The following CEP295 variants were observed in gnomAD, a reference collection of about 807,000 sequenced individuals.
CEP295 encodes the protein centrosomal protein 295, also known as centrosomal protein of 295 kDa.
Under a neutral mutation model 291.6 loss-of-function variants are expected in CEP295, and 190 were observed. The observed-to-expected ratio is 0.65, with a 90% CI of 0.58 to 0.73. The LOEUF (loss-of-function observed/expected upper bound fraction) is 0.73. CEP295 is among the 30% of genes least tolerant of loss of function. The pLI is 0.00. For missense variants in CEP295, 2,863 were observed against 2,949.4 expected (o/e 0.97, Z 0.68); for synonymous variants, 993 against 1,038.8 (o/e 0.96, Z 0.85).
In CEP295 at chr11:93,684,086, C is replaced by A. The variant is rs116695220; in HGVS notation, c.1072C>A (p.Leu358Ile). 1,313 of 1,551,482 alleles carry A rather than the reference C, an allele frequency of 8.5e-4. 13 individuals are homozygous for A. The African/African-American group carries it at 0.015, about 18-fold the overall frequency. The change falls in exon 9 of 30, where the codon CTT becomes ATT. Residue 358 changes from leucine to isoleucine, a missense_variant. Leu to Ile is a conservative substitution (Grantham distance 5). This residue lies in a region of CEP295 where 554 missense variants were observed against 576.0 expected (regional missense o/e 0.96). Coordinates refer to ENST00000325212, the MANE Select transcript of CEP295 (RefSeq NM_033395.2). ...EQENLGAAED[L>I]PVTEAEICSS... The stretch of plus-strand genomic sequence containing the variant: ...AGAAAATTTGGGTGCAGCTGAAGAC[C>A]TTCCAGTGACAGAAGCTGAAATATG...
chr11:93,680,791 T>C (rs1373304934), intron 7 of CEP295, among the ~76,000 whole-genome samples: 1 of 152,244 alleles, frequency 6.6e-6, no homozygotes, highest in Non-Finnish European at 1.5e-5. Flanking sequence ...ATTCATCTTA[T>C]TAGAAGTCTG....
At chr11:93,724,564 C>T (rs1268655206) in intron 22 of CEP295, among the ~76,000 whole-genome samples, 189 bp downstream of exon 22, 2 of 151,870 alleles carry the variant, frequency 1.3e-5, no homozygotes, top group East Asian at 1.9e-4. Context: ...GCCAAGAGTT[C>T]GAGACCAGCC....
rs1952043988 is a variant in CEP295, at chr11:93,699,864, CAG to C, written c.4955_4956del (p.Glu1652AlafsTer12). On this transcript the variant is annotated frameshift_variant, in exon 15 of 30. Coordinates refer to ENST00000325212, the MANE Select transcript of CEP295 (RefSeq NM_033395.2). LOFTEE classifies it high-confidence loss of function. ...CCCTCTTTGTTTCTACCCAAGGAAA[CAG>C]AGCATTCGTTTATTCCACTACCTTT... 6 of 1,552,152 alleles carry C rather than the reference CAG, an allele frequency of 3.9e-6. No individual in the cohort carries two copies. The highest frequency in any genetic ancestry group is 1.2e-5 in the South Asian group (1 of 84,062).
Position 93,727,531 on chromosome 11 carries a change from C to T in CEP295, c.7055C>T (p.Ala2352Val). Residue 2352 changes from alanine to valine, a missense_variant, in exon 24 of 30, where the codon GCT (alanine) becomes GTT (valine). Physicochemically the swap from Ala to Val is moderately conservative, Grantham distance 64. This residue lies in a region of CEP295 where 2,295 missense variants were observed against 2,335.7 expected (regional missense o/e 0.98). Transcript: ENST00000325212. ...TQNEKYFENSAETDIPKITKK... is the reference protein window; with the variant it reads ...TQNEKYFENSVETDIPKITKK... ...AATGAAAAATATTTTGAGAATTCAG[C>T]TGAAACAGACATTCCAAAAATCACC... The T allele has an allele frequency of 6.4e-7, 1 of 1,551,520 alleles. No individual in the cohort carries two copies. Among genetic ancestry groups the T allele is most frequent in the South Asian group, 1.2e-5 (1 of 84,048 alleles).
Position 93,706,826 on chromosome 11 carries a change from C to T in CEP295, c.5678C>T (p.Ala1893Val), listed in dbSNP as rs1416574940. ...CAAAGTTTCTTTGGGAGCCCACTGG[C>T]CCATGATCCGTTTAGTTGTCTTCAA... ...REQSFFGSPL[A>V]HDPFSCLQLV... Residue 1893 changes from alanine (A) to valine (V), a missense_variant, in exon 18 of 30, where the codon GCC becomes GTC. Ala to Val is a moderately conservative substitution (Grantham distance 64, BLOSUM62 0). Coordinates refer to ENST00000325212, the MANE Select transcript of CEP295 (RefSeq NM_033395.2). The T allele has an allele frequency of 6.4e-7, 1 of 1,550,512 alleles. No homozygotes were observed. The highest frequency in any genetic ancestry group is 2.4e-5 in the East Asian group (1 of 40,876).
chr11:93,678,881 G>C (rs1305036853), intron 6 of CEP295, among the ~76,000 whole-genome samples: 1 of 151,942 alleles, frequency 6.6e-6, no homozygotes, highest in Non-Finnish European at 1.5e-5. Context: ...TTTTGAGATG[G>C]AGTCTTGTTC....
At chr11:93,715,079 C>G (rs1172961633) in intron 18 of CEP295, among the ~76,000 whole-genome samples, 1 of 152,194 alleles carries the variant, frequency 6.6e-6, no homozygotes, top group East Asian at 1.9e-4. Flanking sequence ...TCCTTGCCTT[C>G]AGGGTGGCAA....
At chr11:93,719,445 T>C (rs1287369712) in intron 18 of CEP295, among the ~76,000 whole-genome samples, 1 of 152,080 alleles carries the variant, frequency 6.6e-6, no homozygotes, top group African/African-American at 2.4e-5. Flanking sequence ...TTTTTTATTT[T>C]TTTGTAGAGA....
At chr11:93,677,972 T>C (rs1316781955) in intron 6 of CEP295, among the ~76,000 whole-genome samples, 1 of 152,224 alleles carries the variant, frequency 6.6e-6, no homozygotes, top group African/African-American at 2.4e-5. Context: ...ATTATAAATC[T>C]TGTTTTGAAG....
chr11:93,666,788 AAG>A lies in CEP295; in HGVS notation c.83_84del (p.Arg28LysfsTer76). The A allele has an allele frequency of 6.5e-7, 1 of 1,545,860 alleles. No homozygotes were observed. The highest frequency in any genetic ancestry group is 1.4e-5 in the African/African-American group (1 of 73,038). ...EAFILKEDYE[R>X]RRKLRLLQVR... is the part of the protein sequence containing the mutation. ...CCTTCATTTTGAAGGAAGATTATGA[AAG>A]AAGGCGAAAACTAAGATTGCTACAG... is the stretch of plus-strand genomic sequence containing the variant. On this transcript the variant is annotated frameshift_variant, in exon 2 of 30. Transcript: ENST00000325212. LOFTEE classifies it high-confidence loss of function.
At position 93,675,608 on chromosome 11, in the gene CEP295, A is replaced by AGG; in HGVS notation, c.566_567insGG (p.Asn189LysfsTer13). Reference sequence around the variant, plus strand: ...AAAAGAATTTCTGCAGTCAAAACCAATAGTTCTACCTACCATCATCTTCAC... The same window carrying AGG: ...AAAAGAATTTCTGCAGTCAAAACCAAGGTAGTTCTACCTACCATCATCTTCAC... On this transcript the variant is annotated frameshift_variant, in exon 6 of 30. Coordinates refer to ENST00000325212, the MANE Select transcript of CEP295 (RefSeq NM_033395.2). LOFTEE classifies it high-confidence loss of function. 6.6e-7 allele frequency: 1 copy of AGG among 1,513,080 alleles called. No homozygotes were observed. Among genetic ancestry groups the AGG allele is most frequent in the South Asian group, 1.3e-5 (1 of 76,906 alleles). The allele number at this position is 1,513,080 out of a possible 1,614,324, so 93.7% of individuals were successfully genotyped here. A position where few individuals can be genotyped will look rare whatever the true frequency, so the allele number is the denominator to read the frequency against.
chr11:93,718,780 A>T (rs1034475733), intron 18 of CEP295, among the ~76,000 whole-genome samples: 2 of 152,126 alleles, frequency 1.3e-5, no homozygotes, highest in African/African-American at 4.8e-5. Context: ...TGGGTGACAG[A>T]GCAAGACCCT....
At chr11:93,677,358 A>T (rs1158105662) in intron 6 of CEP295, among the ~76,000 whole-genome samples, 1 of 152,142 alleles carries the variant, frequency 6.6e-6, no homozygotes, top group East Asian at 1.9e-4. Flanking sequence ...TTTTTAGCAC[A>T]TAAGAGCTGC....
chr11:93,702,420 C>A, intron 15 of CEP295, 40 bp from the exon 16 acceptor site: 25 of 1,397,798 alleles, frequency 1.8e-5, no homozygotes, highest in Non-Finnish European at 2.4e-5. Flanking sequence ...CACATGATCC[C>A]CCAACTTGTG....
intron 17 of CEP295, among the ~76,000 whole-genome samples, chr11:93,703,571 TCAG>T (rs1010942570): frequency 5.9e-5 from 9 of 151,350 alleles, no homozygotes; most frequent in African/African-American, 2.2e-4. Context: ...TAGGATACAC[TCAG>T]GTTTTTTTTT....
chr11:93,688,579 G>A lies in CEP295; in HGVS notation c.1336+714G>A, dbSNP rs80205110. 1.4e-3 allele frequency among the ~76,000 whole-genome samples: 4 copies of A among 2,896 alleles called. No homozygotes were observed. In the Admixed American group the frequency reaches 0.044, roughly 32 times the overall value. 1.9% of individuals were successfully genotyped at this position (2,896 alleles called of 152,430 possible). A position where few individuals can be genotyped will look rare whatever the true frequency, so the allele number is the denominator to read the frequency against. ...GGCCCCTTGACAGCACCTTCACTTG[G>A]TTTTCGTACTTTACTATTTTCTCTT... On this transcript the variant is annotated intron_variant, in intron 10 of 29. Transcript: ENST00000325212.
chr11:93,681,641 C>T (rs2134942495), intron 7 of CEP295, among the ~76,000 whole-genome samples: 1 of 151,896 alleles, frequency 6.6e-6, no homozygotes, highest in African/African-American at 2.4e-5. Flanking sequence ...GTCTCGATCT[C>T]CTGACCTCAT....
rs551174591 is a variant in CEP295 at position 93,683,874 on chromosome 11, T to A, written c.950-90T>A. ...GAAGGAGGCCCCCCATATTTTAGATTGAGACATTACCGTGGCCTTTGCATT... is the reference window on the plus strand; with the variant it reads ...GAAGGAGGCCCCCCATATTTTAGATAGAGACATTACCGTGGCCTTTGCATT... On this transcript the variant is annotated intron_variant, in intron 8 of 29. Coordinates refer to ENST00000325212, the MANE Select transcript of CEP295 (RefSeq NM_033395.2). 1.6e-5 allele frequency: 23 copies of A among 1,450,008 alleles called. No individual in the cohort carries two copies. In the South Asian group the frequency reaches 2.9e-4, roughly 19 times the overall value. The allele number at this position is 1,450,008 out of a possible 1,614,324, so 89.8% of individuals were successfully genotyped here.
intron 18 of CEP295, among the ~76,000 whole-genome samples, chr11:93,708,683 C>T (rs1452678356): frequency 6.6e-6 from 1 of 152,066 alleles, no homozygotes; most frequent in Admixed American, 6.6e-5. Flanking sequence ...GCAGGATTGC[C>T]GAATCATATG....
Sources: allele counts gnomAD v4.1 joint callset (sites outside exome capture counted in the v4.1 genomes callset), GRCh38; gene constraint gnomAD v4.1.1; regional missense constraint gnomAD v4.1.1; transcripts MANE v1.5; gene names NCBI Gene and HGNC (gene_info 2026-07-23, HGNC 2026-07-21).